Variants in NAALADL2 observed in about 807,000 individuals in gnomAD.
NAALADL2 encodes inactive N-acetylated-alpha-linked acidic dipeptidase-like protein 2.
In NAALADL2, 76 loss-of-function variants were observed where a neutral mutation model predicts 87.2. That is an observed-to-expected ratio of 0.87 (90% confidence interval 0.72 to 1.05). NAALADL2 has a LOEUF of 1.05. NAALADL2 is among the 50% of genes least tolerant of loss of function. The pLI, the probability that NAALADL2 is intolerant of heterozygous loss-of-function variation, is 0.00. For synonymous variants in NAALADL2, 354 were observed against 331.0 expected (o/e 1.07, Z -0.75); for missense variants, 1,089 against 945.8 (o/e 1.15, Z -1.99).
chr3:174,934,773 A>G (rs1737435191), intron 1 of NAALADL2, among the ~76,000 whole-genome samples: 1 of 152,174 alleles, frequency 6.6e-6, no homozygotes. Context: ...TGTCTCAAAG[A>G]ATGCACAATG....
intron 2 of NAALADL2, among the ~76,000 whole-genome samples, chr3:174,675,690 GTTTC>G (rs1161252242): frequency 1.3e-5 from 2 of 151,968 alleles, no homozygotes; most frequent in African/African-American, 4.8e-5. Context: ...AGAGAAAGTT[GTTTC>G]TTTCTTCCTG....
chr3:175,776,181 A>G (rs1211655932), intron 13 of NAALADL2: 2 of 152,118 alleles, frequency 1.3e-5, no homozygotes, highest in African/African-American at 4.8e-5. Context: ...ATTTGAAAAC[A>G]TACTTCCAAG....
intron 3 of NAALADL2, among the ~76,000 whole-genome samples, chr3:174,764,490 G>T (rs201967826): frequency 6.6e-6 from 1 of 152,080 alleles, no homozygotes; most frequent in Admixed American, 6.6e-5. Flanking sequence ...TGCACCTGTA[G>T]TCCCAGCTAC....
At position 175,360,674 on chromosome 3, in the gene NAALADL2, T is replaced by A. The variant is rs372697161; in HGVS notation, c.1090+36349T>A. 2.0e-5 allele frequency among the ~76,000 whole-genome samples: 3 copies of A among 151,990 alleles called. No individual in the cohort carries two copies. In the East Asian group the frequency reaches 5.8e-4, roughly 29 times the overall value. ...ATTTTCCCTCATAATTTTCTAAGGTTTTTTAGTTTGCAGTGTTACAGATTC... is the reference window on the plus strand; with the variant it reads ...ATTTTCCCTCATAATTTTCTAAGGTATTTTAGTTTGCAGTGTTACAGATTC... On this transcript the variant is annotated intron_variant, in intron 5 of 13. Coordinates refer to ENST00000454872, the MANE Select transcript of NAALADL2 (RefSeq NM_207015.3).
intron 2 of NAALADL2, among the ~76,000 whole-genome samples, chr3:175,113,265 A>G (rs1397895724): frequency 6.6e-6 from 1 of 151,564 alleles, no homozygotes; most frequent in African/African-American, 2.4e-5. Context: ...CTTTCGTAGT[A>G]GCCACTTCAT....
At chr3:174,636,740 A>G (rs1254016959) in intron 2 of NAALADL2, among the ~76,000 whole-genome samples, 1 of 152,174 alleles carries the variant, frequency 6.6e-6, no homozygotes, top group African/African-American at 2.4e-5. Flanking sequence ...TATGGCAAAC[A>G]ATATGGAGAG....
intron 1 of NAALADL2, among the ~76,000 whole-genome samples, chr3:174,932,024 A>C (rs1465729198): frequency 6.6e-6 from 1 of 152,186 alleles, no homozygotes; most frequent in East Asian, 1.9e-4. Flanking sequence ...TGATGGCAGA[A>C]TTTTGTGTTG....
intron 5 of NAALADL2, among the ~76,000 whole-genome samples, chr3:175,360,949 A>T (rs554848337): frequency 2.5e-4 from 38 of 151,658 alleles, no homozygotes; most frequent in African/African-American, 9.0e-4. Context: ...TACATGTGCC[A>T]TGTTGGTGTG....
intron 2 of NAALADL2, among the ~76,000 whole-genome samples, chr3:174,598,000 GTTCTT>G (rs1718083232): frequency 6.6e-6 from 1 of 151,966 alleles, no homozygotes; most frequent in Admixed American, 6.6e-5. Context: ...TATATTATAA[GTTCTT>G]TGAGTTATAA....
intron 1 of NAALADL2, among the ~76,000 whole-genome samples, chr3:174,860,174 A>T (rs1336330544): frequency 6.6e-6 from 1 of 152,160 alleles, no homozygotes; most frequent in African/African-American, 2.4e-5. Flanking sequence ...AATATTTGTT[A>T]TAGACTTCTA....
In NAALADL2 at chr3:174,895,726, C is replaced by CA. The variant is rs549222814; in HGVS notation, c.43+36283dup. Among the ~76,000 whole-genome samples, 35 of 151,550 alleles carry CA rather than the reference C, an allele frequency of 2.3e-4. No homozygotes were observed. In the South Asian group the frequency reaches 6.3e-3, roughly 27 times the overall value. On this transcript the variant is annotated intron_variant, in intron 1 of 13. Coordinates refer to ENST00000454872, the MANE Select transcript of NAALADL2 (RefSeq NM_207015.3). Reference sequence around the variant, plus strand: ...TCAAAACCAGACAAATACATCAAAACAAAAAAACGAAAGCAAACAAACAAA... The same window carrying CA: ...TCAAAACCAGACAAATACATCAAAACAAAAAAAACGAAAGCAAACAAACAAA...
chr3:175,499,972 G>A (rs1023689015), intron 9 of NAALADL2, among the ~76,000 whole-genome samples: 2 of 152,000 alleles, frequency 1.3e-5, no homozygotes, highest in African/African-American at 4.8e-5. Context: ...CTTTCTCATA[G>A]TCCAAGTAGA....
At chr3:175,464,066 C>G (rs994628624) in intron 7 of NAALADL2, among the ~76,000 whole-genome samples, 1 of 152,040 alleles carries the variant, frequency 6.6e-6, no homozygotes. Context: ...GCACTCCTAT[C>G]CTCATGTGAT....
intron 2 of NAALADL2, among the ~76,000 whole-genome samples, chr3:174,707,407 C>A (rs1730188146): frequency 1.3e-5 from 2 of 151,982 alleles, no homozygotes; most frequent in Admixed American, 1.3e-4. Context: ...AAATGTCCAA[C>A]AATGATAGAC....
chr3:174,680,266 C>T lies in NAALADL2; in HGVS notation c.-114-57375C>T, dbSNP rs554609839. Among the ~76,000 whole-genome samples, 33 of 152,202 alleles carry T rather than the reference C, an allele frequency of 2.2e-4. 1 individual carries two copies. Among genetic ancestry groups the T allele is most frequent in the African/African-American group, 7.9e-4 (33 of 41,528 alleles). On this transcript the variant is annotated intron_variant, in intron 2 of 3. Transcript: ENST00000434257. ...AGTTAATTTTCACTTTTGAAAGTAC[C>T]TGAACATTTGAAAGGAAATATGTTT... is the stretch of plus-strand genomic sequence containing the variant.
chr3:174,640,082 G>A (rs1208982892), intron 2 of NAALADL2, among the ~76,000 whole-genome samples: 2 of 152,114 alleles, frequency 1.3e-5, no homozygotes, highest in Admixed American at 6.5e-5. Flanking sequence ...TTAAATCCAC[G>A]TTAGGGGGAG....
intron 11 of NAALADL2, among the ~76,000 whole-genome samples, chr3:175,733,285 G>A (rs1744041143): frequency 6.6e-6 from 1 of 152,214 alleles, no homozygotes; most frequent in Admixed American, 6.5e-5. Flanking sequence ...AGAACTCACA[G>A]TTCCATGTGG....
intron 5 of NAALADL2, among the ~76,000 whole-genome samples, chr3:175,429,397 C>A (rs2149155846): frequency 1.3e-5 from 2 of 151,986 alleles, no homozygotes; most frequent in East Asian, 3.9e-4. Flanking sequence ...AGTCATATGA[C>A]CTCTTTTGTT....
At chr3:175,198,601 C>T (rs1287032203) in intron 2 of NAALADL2, among the ~76,000 whole-genome samples, 2 of 151,996 alleles carry the variant, frequency 1.3e-5, no homozygotes, top group Non-Finnish European at 2.9e-5. Context: ...ACTTACCTTG[C>T]CTTGAAATGA....
Sources: gnomAD v4.1 joint callset for allele counts (sites outside exome capture counted in the v4.1 genomes callset) on GRCh38, gnomAD v4.1.1 for gene constraint, MANE v1.5 for transcripts, NCBI Gene and HGNC (gene_info 2026-07-23, HGNC 2026-07-21) for gene names.